Variants in TRIP12 observed in about 807,000 individuals in gnomAD.
The protein encoded by TRIP12 is E3 ubiquitin-protein ligase TRIP12.
In TRIP12, 25 loss-of-function variants were observed where a neutral mutation model predicts 244.2. That is an observed-to-expected ratio of 0.10 (90% CI 0.07 to 0.14). The LOEUF (loss-of-function observed/expected upper bound fraction) is 0.14, where lower values mean the gene tolerates loss of function less well. TRIP12 is among the 10% of genes least tolerant of loss of function. The pLI, the probability that TRIP12 is intolerant of heterozygous loss-of-function variation, is 1.00. For missense variants in TRIP12, 1,677 were observed against 2,486.4 expected, an observed-to-expected ratio of 0.67 and a Z score of 6.92; for synonymous variants, 905 against 873.1, an observed-to-expected ratio of 1.04 and a Z score of -0.64.
chr2:229,831,476 C>A (rs1401861000), intron 6 of TRIP12, among the ~76,000 whole-genome samples: 2 of 152,136 alleles, frequency 1.3e-5, no homozygotes, highest in Non-Finnish European at 2.9e-5. Flanking sequence ...GGGTTCAAGA[C>A]CAACCCGGGC....
chr2:229,804,245 A>AT lies in TRIP12; in HGVS notation c.2651-19_2651-18insA, dbSNP rs199509519. 2,380 of 1,585,834 alleles carry AT rather than the reference A, an allele frequency of 1.5e-3. 33 individuals carry two copies. The African/African-American group carries it at 0.029, about 19-fold the overall frequency. ...ATATCCACCTATTACATTAAAAAAA[A>AT]ATATATGTGCAATCCTGAAGTGACA... On this transcript the variant is annotated intron_variant, in intron 18 of 41. Coordinates refer to ENST00000675903, the MANE Select transcript of TRIP12 (RefSeq NM_001348323.3).
intron 1 of TRIP12, among the ~76,000 whole-genome samples, chr2:229,920,662 C>T (rs957337547): frequency 1.3e-5 from 2 of 152,184 alleles, no homozygotes; most frequent in African/African-American, 4.8e-5. Flanking sequence ...CTCCTCACCA[C>T]GTAAGGTAAC....
intron 8 of TRIP12, among the ~76,000 whole-genome samples, chr2:229,819,126 T>A (rs2049304531): frequency 6.6e-6 from 1 of 150,416 alleles, no homozygotes; most frequent in Non-Finnish European, 1.5e-5. Context: ...CCTGCACAGA[T>A]GATGGCTATT....
chr2:229,904,085 C>G (rs1291853093), intron 1 of TRIP12, among the ~76,000 whole-genome samples: 1 of 151,752 alleles, frequency 6.6e-6, no homozygotes, highest in Non-Finnish European at 1.5e-5. Flanking sequence ...CATGGCTTCA[C>G]AGATATGAGT....
At chr2:229,775,815 G>GT (rs558760606) in intron 37 of TRIP12, among the ~76,000 whole-genome samples, 62 of 151,870 alleles carry the variant, frequency 4.1e-4, no homozygotes, top group African/African-American at 1.5e-3. Context: ...ACAGGATGTG[G>GT]TTTTTCAGAA....
At chr2:229,804,561 TG>T (rs1006943836) in intron 18 of TRIP12, among the ~76,000 whole-genome samples, 10 of 152,170 alleles carry the variant, frequency 6.6e-5, no homozygotes, top group Admixed American at 6.5e-4. Context: ...ACCAAACCAG[TG>T]GTAAGAAACT....
intron 25 of TRIP12, 49 bp from the exon 26 acceptor site, chr2:229,795,379 A>C (rs1559457286): frequency 6.4e-7 from 1 of 1,564,934 alleles, no homozygotes; most frequent in Non-Finnish European, 8.7e-7. Context: ...TTTCAAAACA[A>C]AAGTCTCCTC....
At chr2:229,896,973 G>A (rs1267841487) in intron 1 of TRIP12, among the ~76,000 whole-genome samples, 1 of 152,130 alleles carries the variant, frequency 6.6e-6, no homozygotes, top group Non-Finnish European at 1.5e-5. Flanking sequence ...AGGGACTCTG[G>A]GTAATAACAT....
chr2:229,773,268 G>T (rs909679654), intron 38 of TRIP12, among the ~76,000 whole-genome samples: 1 of 152,024 alleles, frequency 6.6e-6, no homozygotes, highest in Non-Finnish European at 1.5e-5. Context: ...TAGAGATGGG[G>T]TTTCACTATG....
intron 2 of TRIP12, 144 bp downstream of exon 2, chr2:229,879,838 G>T: frequency 1.2e-6 from 1 of 844,262 alleles, no homozygotes; most frequent in Admixed American, 2.4e-5. Context: ...TTGGATTCCA[G>T]TTTGCTTTTA....
intron 4 of TRIP12, among the ~76,000 whole-genome samples, chr2:229,850,830 G>A (rs1196311978): frequency 1.3e-5 from 2 of 152,206 alleles, no homozygotes; most frequent in Non-Finnish European, 2.9e-5. Flanking sequence ...CGGCCCTGCC[G>A]GCCCCAGGCA....
Position 229,826,639 on chromosome 2 carries a change from T to G in TRIP12, c.1450+2554A>C, listed in dbSNP as rs541033458. Among the ~76,000 whole-genome samples, 56 of 152,322 alleles carry G rather than the reference T, an allele frequency of 3.7e-4. 1 individual carries two copies. The highest frequency in any genetic ancestry group is 1.3e-3 in the African/African-American group (52 of 41,582). ...ATCATAGAGTATACCTAAACCAAGA[T>G]GGTACAGCCTACTACACACCTAGGC... On this transcript the variant is annotated intron_variant, in intron 8 of 41. Coordinates refer to ENST00000675903, the MANE Select transcript of TRIP12 (RefSeq NM_001348323.3).
chr2:229,866,252 AT>A (rs1033450172), intron 2 of TRIP12, among the ~76,000 whole-genome samples: 2 of 152,112 alleles, frequency 1.3e-5, no homozygotes, highest in African/African-American at 2.4e-5. Flanking sequence ...CGATTATACT[AT>A]TTTTTTGGCA....
chr2:229,887,572 C>T (rs983462749), intron 1 of TRIP12, among the ~76,000 whole-genome samples: 1 of 150,572 alleles, frequency 6.6e-6, no homozygotes, highest in Non-Finnish European at 1.5e-5. Context: ...AAAATGAAGA[C>T]GGGGTCAAGA....
At position 229,858,833 on chromosome 2, in the gene TRIP12, T is replaced by A. The variant is rs748145778; in HGVS notation, c.966A>T (p.Pro322=). Residue 322 remains proline, a synonymous_variant, in exon 4 of 42, where the codon CCA becomes CCT. Transcript: ENST00000675903. ...VSLPKTKLSL[P]GSSKSETSKP... The stretch of plus-strand genomic sequence containing the variant: ...TTGATGTCTCTGACTTAGAAGACCC[T>A]GGAAGAGACAGTTTTGTTTTAGGAA... 1 of 1,613,976 alleles carries A rather than the reference T, an allele frequency of 6.2e-7. No individual in the cohort carries two copies. The highest frequency in any genetic ancestry group is 8.5e-7 in the Non-Finnish European group (1 of 1,179,966).
At chr2:229,813,022 C>T (rs2047647626) in intron 13 of TRIP12, among the ~76,000 whole-genome samples, 1 of 152,108 alleles carries the variant, frequency 6.6e-6, no homozygotes, top group Non-Finnish European at 1.5e-5. Context: ...ACAATTTGTC[C>T]TCACCATCCC....
At chr2:229,841,051 G>T in intron 4 of TRIP12, 124 bp from the exon 5 acceptor site, 1 of 681,194 alleles carries the variant, frequency 1.5e-6, no homozygotes, top group Non-Finnish European at 2.5e-6. Context: ...CTCTCCAGCA[G>T]TATTACTAGC....
intron 9 of TRIP12, among the ~76,000 whole-genome samples, chr2:229,817,883 T>C (rs558893414): frequency 5.3e-5 from 8 of 152,254 alleles, no homozygotes; most frequent in East Asian, 3.9e-4. Context: ...GCGTCAGACA[T>C]TGCCACTGGC....
intron 13 of TRIP12, among the ~76,000 whole-genome samples, chr2:229,813,137 C>T (rs2047675054): frequency 1.3e-5 from 2 of 152,282 alleles, no homozygotes; most frequent in East Asian, 1.9e-4. Flanking sequence ...CCACAAACTA[C>T]ATTTTTCATT....
Sources: gnomAD v4.1 joint callset for allele counts (sites outside exome capture counted in the v4.1 genomes callset) on GRCh38, gnomAD v4.1.1 for gene constraint, MANE v1.5 for transcripts, NCBI Gene and HGNC (gene_info 2026-07-23, HGNC 2026-07-21) for gene names.